The following ZDHHC9 variants were observed in gnomAD, a reference collection of about 807,000 sequenced individuals.
ZDHHC9 encodes palmitoyltransferase ZDHHC9.
ZDHHC9 carries 3 observed loss-of-function variants against 26.6 expected under a neutral mutation model. The ratio of observed to expected loss-of-function variants is 0.11; its 90% CI spans 0.05 to 0.29. The LOEUF is 0.29. ZDHHC9 is among the 10% of genes least tolerant of loss of function. The pLI is 1.00. For missense variants in ZDHHC9, 146 were observed against 296.4 expected, an observed-to-expected ratio of 0.49 and a Z score of 3.73; for synonymous variants, 111 against 109.4, an observed-to-expected ratio of 1.01 and a Z score of -0.09.
chrX:129,829,388 C>T (rs1294691613), intron 3 of ZDHHC9, among the ~76,000 whole-genome samples: 3 of 111,575 alleles, frequency 2.7e-5, no homozygotes, highest in Non-Finnish European at 5.6e-5. Context: ...TCTCTTACCC[C>T]CAAGTCCAAT....
intron 5 of ZDHHC9, among the ~76,000 whole-genome samples, chrX:129,818,011 C>CCATA (rs748005078): frequency 9.0e-6 from 1 of 111,598 alleles, no homozygotes; most frequent in South Asian, 3.7e-4. Context: ...CTCCCCAGTT[C>CCATA]CATATGTTGA....
chrX:129,810,405 A>T (rs1182805041), intron 10 of ZDHHC9, among the ~76,000 whole-genome samples: 1 of 111,213 alleles, frequency 9.0e-6, no homozygotes, highest in African/African-American at 3.3e-5. Context: ...CTTTAAAGAT[A>T]TACTTTATAT....
chrX:129,837,597 A>C (rs1872636332), intron 3 of ZDHHC9, among the ~76,000 whole-genome samples: 1 of 112,315 alleles, frequency 8.9e-6, no homozygotes, highest in Admixed American at 9.4e-5. Context: ...CAATATATAC[A>C]TCAAAAGCTC....
chrX:129,835,537 C>A (rs1486171488), intron 3 of ZDHHC9, among the ~76,000 whole-genome samples: 1 of 110,960 alleles, frequency 9.0e-6, no homozygotes, highest in African/African-American at 3.3e-5. Context: ...AATCCCAGCA[C>A]TTTGGGAGGC....
At chrX:129,822,685 A>G (rs771607457) in intron 5 of ZDHHC9, among the ~76,000 whole-genome samples, 1 of 111,608 alleles carries the variant, frequency 9.0e-6, no homozygotes, top group East Asian at 2.8e-4. Flanking sequence ...GTAGCTTTTT[A>G]GTATACACGC....
intron 5 of ZDHHC9, among the ~76,000 whole-genome samples, chrX:129,821,386 G>A (rs1379953224): frequency 3.8e-5 from 4 of 105,936 alleles, no homozygotes; most frequent in South Asian, 4.4e-4. Flanking sequence ...TCCGCCTCCC[G>A]GGTTCACGCC....
rs1373787274 is a variant in ZDHHC9, at chrX:129,803,576, G to A, written c.*2794C>T. 8.9e-6 allele frequency: 1 copy of A among 112,409 alleles called. No homozygotes were observed. Among genetic ancestry groups the A allele is most frequent in the Non-Finnish European group, 1.9e-5 (1 of 53,268 alleles). The allele number at this position is 112,409 out of a possible 1,213,427, so 9.3% of individuals were successfully genotyped here. On this transcript the variant is annotated 3_prime_UTR_variant, in exon 11 of 11. Transcript: ENST00000357166. Reference sequence around the variant, plus strand: ...GTAAAGGCAGGATGGTCAGGACAGGGAGAATGGAATTTAGCTGCTACGGAA... The same window carrying A: ...GTAAAGGCAGGATGGTCAGGACAGGAAGAATGGAATTTAGCTGCTACGGAA...
chrX:129,834,636 G>A (rs1023750747), intron 3 of ZDHHC9, among the ~76,000 whole-genome samples: 1 of 111,652 alleles, frequency 9.0e-6, no homozygotes, highest in African/African-American at 3.3e-5. Flanking sequence ...TAATAACAAA[G>A]TTCAAATTTC....
intron 4 of ZDHHC9, 107 bp from the exon 5 acceptor site, chrX:129,823,944 C>G: frequency 2.6e-6 from 2 of 758,874 alleles, no homozygotes; most frequent in Non-Finnish European, 4.0e-6. Context: ...TCCCCAAGCC[C>G]CCTGTCTTTT....
chrX:129,816,034 G>A (rs1270972279), intron 5 of ZDHHC9, among the ~76,000 whole-genome samples: 5 of 111,157 alleles, frequency 4.5e-5, no homozygotes, highest in Non-Finnish European at 9.4e-5. Flanking sequence ...CAGAACCCAC[G>A]GATAAGAAAA....
chrX:129,832,120 A>C (rs1219341301), intron 3 of ZDHHC9, among the ~76,000 whole-genome samples: 1 of 101,565 alleles, frequency 9.8e-6, no homozygotes, highest in Admixed American at 1.0e-4. Context: ...AGATGTATCA[A>C]AACATCATAT....
In ZDHHC9 at chrX:129,821,299, T is replaced by C. The variant is rs1927879088; in HGVS notation, c.487+2380A>G. ...ATTACTGGGTATAGACCTTCTTCTT[T>C]TTTTTTTTTTTGAGATGGAGTCTTG... is the stretch of plus-strand genomic sequence containing the variant. On this transcript the variant is annotated intron_variant, in intron 5 of 10. Coordinates refer to ENST00000357166, the MANE Select transcript of ZDHHC9 (RefSeq NM_016032.4). 2.8e-5 allele frequency among the ~76,000 whole-genome samples: 3 copies of C among 107,255 alleles called. No homozygotes were observed. In the South Asian group the frequency reaches 1.2e-3, roughly 44 times the overall value. 93.1% of individuals were successfully genotyped at this position (107,255 alleles called of 115,157 possible).
At chrX:129,832,964 CAAAA>C (rs11317653) in intron 3 of ZDHHC9, among the ~76,000 whole-genome samples, 3 of 35,053 alleles carry the variant, frequency 8.6e-5, no homozygotes, top group Non-Finnish European at 1.1e-4. Flanking sequence ...GACTCCACCT[CAAAA>C]AAAAAAAAAA....
chrX:129,809,012 A>C (rs1022168323), intron 10 of ZDHHC9, among the ~76,000 whole-genome samples: 1 of 112,301 alleles, frequency 8.9e-6, no homozygotes, highest in Non-Finnish European at 1.9e-5. Flanking sequence ...CAAAACCACA[A>C]TGAGATACCA....
Position 129,813,657 on chromosome X carries a change from A to T in ZDHHC9, c.674+20T>A. ...TAGCTTAAGAAGGCTTCACAGGGAC[A>T]TACTGCCAGCGGAGGATATGTTCCA... is the stretch of plus-strand genomic sequence containing the variant. On this transcript the variant is annotated intron_variant, in intron 7 of 10. Coordinates refer to ENST00000357166, the MANE Select transcript of ZDHHC9 (RefSeq NM_016032.4). 8.3e-7 allele frequency: 1 copy of T among 1,207,399 alleles called. No individual in the cohort carries two copies. The highest frequency in any genetic ancestry group is 1.1e-6 in the Non-Finnish European group (1 of 891,083).
At chrX:129,811,877 A>G (rs1479843899) in intron 8 of ZDHHC9, among the ~76,000 whole-genome samples, 1 of 111,598 alleles carries the variant, frequency 9.0e-6, no homozygotes, top group African/African-American at 3.3e-5. Flanking sequence ...AAAAGCAGAT[A>G]ACTGAATGAT....
At chrX:129,814,273 C>A (rs1230216287) in intron 6 of ZDHHC9, among the ~76,000 whole-genome samples, 1 of 111,800 alleles carries the variant, frequency 8.9e-6, no homozygotes, top group Non-Finnish European at 1.9e-5. Flanking sequence ...AGACATTTCT[C>A]AGGCAAAACC....
chrX:129,832,387 C>T (rs1928161084), intron 3 of ZDHHC9, among the ~76,000 whole-genome samples: 1 of 111,224 alleles, frequency 9.0e-6, no homozygotes, highest in African/African-American at 3.3e-5. Flanking sequence ...GTCGCTCACA[C>T]CTGTAATCCC....
chrX:129,806,810 C>A (rs935215586), intron 10 of ZDHHC9, among the ~76,000 whole-genome samples: 2 of 111,990 alleles, frequency 1.8e-5, no homozygotes, highest in Admixed American at 9.5e-5. Context: ...ACTTATGTAA[C>A]AAGGCCTGAC....
Sources: gnomAD v4.1 joint callset for allele counts (sites outside exome capture counted in the v4.1 genomes callset) on GRCh38, gnomAD v4.1.1 for gene constraint, MANE v1.5 for transcripts, NCBI Gene and HGNC (gene_info 2026-07-23, HGNC 2026-07-21) for gene names.